The following RANGAP1 variants were observed in gnomAD, a reference collection of about 807,000 sequenced individuals.
RANGAP1 encodes the protein ran GTPase-activating protein 1.
Under a neutral mutation model 63.5 loss-of-function variants are expected in RANGAP1, and 38 were observed. The observed-to-expected ratio is 0.60, with a 90% confidence interval of 0.46 to 0.78. The LOEUF is 0.78. RANGAP1 is among the 30% of genes least tolerant of loss of function. The pLI is 0.00. For missense variants in RANGAP1, 630 were observed against 740.3 expected (o/e 0.85, Z 1.73); for synonymous variants, 329 against 310.5 (o/e 1.06, Z -0.63).
chr22:41,287,571 A>G (rs972227655), upstream of RANGAP1, among the ~76,000 whole-genome samples: 16 of 152,018 alleles, frequency 1.1e-4, no homozygotes, highest in Admixed American at 4.6e-4. Flanking sequence ...CTGAGGCAGG[A>G]GGATCTGGAG....
At chr22:41,292,006 G>A in the RANGAP1 span, among the ~76,000 whole-genome samples, 1 of 151,938 alleles carries the variant, frequency 6.6e-6, no homozygotes, top group African/African-American at 2.4e-5. Context: ...CCTGAAAGGA[G>A]GTTCTCTTGA....
At position 41,246,688 on chromosome 22, in the gene RANGAP1, G is replaced by C; in HGVS notation, c.1695-16C>G. The C allele has an allele frequency of 6.5e-7, 1 of 1,545,864 alleles. No homozygotes were observed. The highest frequency in any genetic ancestry group is 2.4e-5 in the East Asian group (1 of 42,140). On this transcript the variant is annotated splice_polypyrimidine_tract_variant and intron_variant, in intron 15 of 15. Transcript: ENST00000356244. Reference sequence around the variant, plus strand: ...GCTGTTGGGCCTGCGGGGAAAGAGGGGTCAGCAGGTCGGTGGATGCCTCTT... The same window carrying C: ...GCTGTTGGGCCTGCGGGGAAAGAGGCGTCAGCAGGTCGGTGGATGCCTCTT...
intron 13 of RANGAP1, among the ~76,000 whole-genome samples, chr22:41,250,339 C>A (rs956410222): frequency 2.0e-5 from 3 of 152,214 alleles, no homozygotes; most frequent in East Asian, 1.9e-4. Flanking sequence ...GACGCCACGC[C>A]GGGAAGAGGC....
the RANGAP1 span, among the ~76,000 whole-genome samples, chr22:41,301,160 C>T: frequency 1.1e-3 from 174 of 152,202 alleles, 1 homozygote; most frequent in Non-Finnish European, 2.2e-3. Context: ...CTCCGGTTCC[C>T]ATCTATGAGA....
chr22:41,252,962 A>G lies in RANGAP1; in HGVS notation c.1290T>C (p.Pro430=), dbSNP rs111267578. 2.7e-4 allele frequency: 422 copies of G among 1,538,092 alleles called. 9 individuals carry two copies. In the African/African-American group the frequency reaches 4.7e-3, roughly 17 times the overall value. The change falls in exon 12 of 16, where the codon CCT becomes CCC. Residue 430 remains proline (P), a synonymous_variant. Transcript: ENST00000356244. Reference sequence around the variant, plus strand: ...CCAGGAAGGTGGAGACGTCTGCAGGAGGTGGGGAGGACAGCACGGGAGCTG... The same window carrying G: ...CCAGGAAGGTGGAGACGTCTGCAGGGGGTGGGGAGGACAGCACGGGAGCTG... ...GEPAPVLSSP[P]PADVSTFLAF... is the part of the protein sequence containing the mutation.
chr22:41,268,563 T>C (rs563539842), intron 3 of RANGAP1, among the ~76,000 whole-genome samples: 1 of 151,662 alleles, frequency 6.6e-6, no homozygotes, highest in Non-Finnish European at 1.5e-5. Context: ...CCCCCAAGAC[T>C]TAACTTGAGC....
intron 7 of RANGAP1, 21 bp from the exon 8 acceptor site, chr22:41,256,845 T>C (rs753538900): frequency 4.4e-5 from 71 of 1,601,596 alleles, no homozygotes; most frequent in Non-Finnish European, 6.0e-5. Flanking sequence ...GAAGCAAGGG[T>C]CCAGAGTGAG....
Position 41,258,125 on chromosome 22 carries a change from G to C in RANGAP1, c.616-19C>G. The C allele has an allele frequency of 6.3e-7, 1 of 1,578,230 alleles. No individual in the cohort carries two copies. Among genetic ancestry groups the C allele is most frequent in the Non-Finnish European group, 8.6e-7 (1 of 1,158,110 alleles). ...CGATGACCTGTGAAGAGGAGGCAGA[G>C]AGTGGAGGGGGCCCCGAGTGCCAGG... On this transcript the variant is annotated intron_variant, in intron 6 of 15. Coordinates refer to ENST00000356244, the MANE Select transcript of RANGAP1 (RefSeq NM_002883.4).
At chr22:41,283,477 C>A (rs1246330483) in intron 1 of RANGAP1, among the ~76,000 whole-genome samples, 1 of 152,108 alleles carries the variant, frequency 6.6e-6, no homozygotes, top group Non-Finnish European at 1.5e-5. Flanking sequence ...CCATTGCATT[C>A]CAGCCTGGCG....
intron 2 of RANGAP1, among the ~76,000 whole-genome samples, chr22:41,278,752 G>A (rs1437948197): frequency 6.6e-6 from 1 of 152,252 alleles, no homozygotes; most frequent in African/African-American, 2.4e-5. Context: ...AGCATCAAAA[G>A]TGATAAACGA....
chr22:41,257,876 C>T lies in RANGAP1; in HGVS notation c.774+72G>A. On this transcript the variant is annotated intron_variant, in intron 7 of 15. Coordinates refer to ENST00000356244, the MANE Select transcript of RANGAP1 (RefSeq NM_002883.4). This position sits in a 1 kb window ranked among gnomAD's most constrained non-coding sequence, Gnocchi z 4.0. ...GAGGAGTCCCTGCTAAACGGAGCCC[C>T]AGCTTCCCTGGAAAGACAGCAGCCA... The T allele has an allele frequency of 6.7e-7, 1 of 1,503,352 alleles. No individual in the cohort carries two copies. Among genetic ancestry groups the T allele is most frequent in the Non-Finnish European group, 9.0e-7 (1 of 1,110,070 alleles). The allele number at this position is 1,503,352 out of a possible 1,614,324, so 93.1% of individuals were successfully genotyped here.
intron 1 of RANGAP1, among the ~76,000 whole-genome samples, chr22:41,283,292 C>T (rs965320038): frequency 6.6e-6 from 1 of 151,682 alleles, no homozygotes; most frequent in African/African-American, 2.4e-5. Context: ...AGGTGGATCA[C>T]GAGGTCAGGA....
chr22:41,285,655 G>A (rs2035716092), intron 1 of RANGAP1: 3 of 985,420 alleles, frequency 3.0e-6, no homozygotes, highest in Non-Finnish European at 3.6e-6. Flanking sequence ...ATAGGCGGGC[G>A]GCGCAGGAGC....
chr22:41,294,030 C>T, the RANGAP1 span, among the ~76,000 whole-genome samples: 37 of 119,522 alleles, frequency 3.1e-4, no homozygotes, highest in Non-Finnish European at 5.5e-4. Flanking sequence ...ACTCCTCTCC[C>T]TCTCCTTCTC....
intron 1 of RANGAP1, among the ~76,000 whole-genome samples, chr22:41,283,355 A>G (rs2035595553): frequency 6.6e-6 from 1 of 152,110 alleles, no homozygotes; most frequent in Non-Finnish European, 1.5e-5. Context: ...CTAAAAATAC[A>G]AAAATTAGCT....
At chr22:41,283,130 G>A (rs1263077666) in intron 1 of RANGAP1, among the ~76,000 whole-genome samples, 1 of 147,816 alleles carries the variant, frequency 6.8e-6, no homozygotes, top group African/African-American at 2.5e-5. Context: ...CAGGTCAGCA[G>A]TATAGCAGTA....
intron 6 of RANGAP1, among the ~76,000 whole-genome samples, chr22:41,259,080 C>T (rs185947379): frequency 9.4e-4 from 143 of 152,164 alleles, no homozygotes; most frequent in African/African-American, 3.1e-3. Flanking sequence ...TCTGTGCTCC[C>T]GGAGCACCTG....
chr22:41,271,040 C>A (rs9611535), intron 3 of RANGAP1, among the ~76,000 whole-genome samples: 1 of 152,140 alleles, frequency 6.6e-6, no homozygotes, highest in Non-Finnish European at 1.5e-5. Flanking sequence ...GGTATCCTAT[C>A]TCTGAAATGA....
Position 41,261,472 on chromosome 22 carries a change from C to T in RANGAP1, c.589G>A (p.Ala197Thr), listed in dbSNP as rs760500092. 22 of 1,614,138 alleles carry T rather than the reference C, an allele frequency of 1.4e-5. No homozygotes were observed. Among genetic ancestry groups the T allele is most frequent in the East Asian group, 2.2e-5 (1 of 44,900 alleles). ...CTAAAAGCTTCTGCCAAGGCAGTGG[C>T]GCCATCATTCTCCAGACGGTTTCTG... ...AGRNRLENDG[A>T]TALAEAFRVI... is the part of the protein sequence containing the mutation. The change falls in exon 6 of 16, where the codon GCC becomes ACC. Residue 197 changes from alanine (A) to threonine (T), a missense_variant. This residue lies in a region of RANGAP1 where 137 missense variants were observed against 214.3 expected (regional missense o/e 0.64). Transcript: ENST00000356244.
Sources: allele counts gnomAD v4.1 joint callset (sites outside exome capture counted in the v4.1 genomes callset), GRCh38; gene constraint gnomAD v4.1.1; regional missense constraint gnomAD v4.1.1; non-coding constraint Gnocchi (gnomAD v3.1); transcripts MANE v1.5; gene names NCBI Gene and HGNC (gene_info 2026-07-23, HGNC 2026-07-21).